Variants in UQCRC2 observed in about 807,000 individuals in gnomAD.
The protein encoded by UQCRC2 is ubiquinol-cytochrome c reductase core protein 2.
Under a neutral mutation model 55.6 loss-of-function variants are expected in UQCRC2, and 49 were observed. The ratio of observed to expected loss-of-function variants is 0.88; its 90% CI spans 0.70 to 1.12. The LOEUF is 1.12. Ranked by LOEUF, UQCRC2 falls within the 50% of genes most tolerant of loss-of-function variation. The probability of loss-of-function intolerance (pLI) is 0.00; values close to 1 mark genes in which losing one functional copy is unlikely to be tolerated. For synonymous variants in UQCRC2, 193 were observed against 192.0 expected, an observed-to-expected ratio of 1.01 and a Z score of -0.04; for missense variants, 506 against 547.8, an observed-to-expected ratio of 0.92 and a Z score of 0.76.
intron 6 of UQCRC2, among the ~76,000 whole-genome samples, chr16:21,964,748 C>G (rs1159077989): frequency 6.6e-6 from 1 of 152,228 alleles, no homozygotes; most frequent in African/African-American, 2.4e-5. Context: ...ACATTGCACC[C>G]ATAATACTTT....
intron 6 of UQCRC2, among the ~76,000 whole-genome samples, chr16:21,963,488 G>A (rs776178596): frequency 6.0e-5 from 9 of 151,072 alleles, no homozygotes; most frequent in Non-Finnish European, 1.2e-4. Context: ...GTTTGTTTTT[G>A]AGACAGGGTG....
At chr16:21,957,897 T>G (rs1272446388) in intron 3 of UQCRC2, among the ~76,000 whole-genome samples, 1 of 152,234 alleles carries the variant, frequency 6.6e-6, no homozygotes, top group Non-Finnish European at 1.5e-5. Flanking sequence ...ACTGCATCAC[T>G]GCAGTCTCTG....
intron 6 of UQCRC2, among the ~76,000 whole-genome samples, chr16:21,963,462 T>G (rs985359723): frequency 6.6e-6 from 1 of 151,936 alleles, no homozygotes; most frequent in Non-Finnish European, 1.5e-5. Flanking sequence ...AATGTTTTGT[T>G]TTTGTTTGTT....
intron 4 of UQCRC2, among the ~76,000 whole-genome samples, chr16:21,960,153 C>T (rs1898166752): frequency 6.6e-6 from 1 of 152,226 alleles, no homozygotes; most frequent in Admixed American, 6.5e-5. Context: ...TGGACGGCAT[C>T]TTCCAATGTA....
At position 21,983,204 on chromosome 16, in the gene UQCRC2, C is replaced by CA. The variant is rs746520948; in HGVS notation, c.*33_*34insA. The CA allele has an allele frequency of 1.9e-6, 3 of 1,573,962 alleles. No homozygotes were observed. ...GCACACATTACAGGAGAGAGCTGAA[C>CA]GTTCTCTCAGCCCAGAGCAGCAAAC... is the stretch of plus-strand genomic sequence containing the variant. On this transcript the variant is annotated 3_prime_UTR_variant, in exon 14 of 14. Transcript: ENST00000268379.
intron 10 of UQCRC2, among the ~76,000 whole-genome samples, chr16:21,972,884 AAGGTCAGG>A (rs1303930812): frequency 6.6e-6 from 1 of 152,104 alleles, no homozygotes; most frequent in Non-Finnish European, 1.5e-5. Context: ...GGCGGATCAC[AAGGTCAGG>A]AGATCAAGAC....
intron 10 of UQCRC2, among the ~76,000 whole-genome samples, chr16:21,973,383 A>G (rs776667802): frequency 1.3e-5 from 2 of 152,196 alleles, no homozygotes; most frequent in African/African-American, 2.4e-5. Context: ...GCTCTGCTCA[A>G]ACTAGATAAC....
At position 21,972,083 on chromosome 16, in the gene UQCRC2, G is replaced by T; in HGVS notation, c.927G>T (p.Leu309=). The T allele has an allele frequency of 6.2e-7, 1 of 1,614,000 alleles. No homozygotes were observed. The highest frequency in any genetic ancestry group is 8.5e-7 in the Non-Finnish European group (1 of 1,179,960). The stretch of plus-strand genomic sequence containing the variant: ...GGGGCAGCAACACCACCAGCCATCT[G>T]CACCAGGCTGTTGCCAAGGCAACTC... ...VKRGSNTTSH[L]HQAVAKATQQ... is the part of the protein sequence containing the mutation. Residue 309 remains leucine, a synonymous_variant, in exon 10 of 14, where the codon CTG becomes CTT. Coordinates refer to ENST00000268379, the MANE Select transcript of UQCRC2 (RefSeq NM_003366.4).
intron 13 of UQCRC2, among the ~76,000 whole-genome samples, chr16:21,981,086 T>C (rs926261047): frequency 6.6e-6 from 1 of 152,224 alleles, no homozygotes; most frequent in Non-Finnish European, 1.5e-5. Flanking sequence ...ATTAGCAGTT[T>C]CATATGATCC....
rs777862105 is a variant in UQCRC2 at position 21,953,400 on chromosome 16, C to A, written c.-24C>A. 1.4e-5 allele frequency: 22 copies of A among 1,612,104 alleles called. No individual in the cohort carries two copies. In the South Asian group the frequency reaches 2.4e-4, roughly 18 times the overall value. ...TGCTTTCCTTTAATCCGGCAGTGAC[C>A]GTGTGTCAGAACAATCTTGAATCAT... is the stretch of plus-strand genomic sequence containing the variant. On this transcript the variant is annotated 5_prime_UTR_variant, in exon 1 of 14. Coordinates refer to ENST00000268379, the MANE Select transcript of UQCRC2 (RefSeq NM_003366.4).
intron 5 of UQCRC2, 29 bp from the exon 6 acceptor site, chr16:21,962,732 C>G (rs753408659): frequency 6.2e-7 from 1 of 1,613,632 alleles, no homozygotes; most frequent in Non-Finnish European, 8.5e-7. Context: ...ATTTTTGACT[C>G]ATAATTCTTA....
intron 6 of UQCRC2, among the ~76,000 whole-genome samples, chr16:21,963,838 G>A (rs896784428): frequency 1.3e-5 from 2 of 152,002 alleles, no homozygotes; most frequent in Admixed American, 1.3e-4. Flanking sequence ...TGCTATTATT[G>A]CTTACTATTG....
At chr16:21,963,093 A>G (rs538721587) in intron 6 of UQCRC2, 3 of 441,110 alleles carry the variant, frequency 6.8e-6, no homozygotes, top group African/African-American at 2.0e-5. Context: ...GGTTCAAGCA[A>G]TTCTCCTGCC....
chr16:21,976,272 G>GT, intron 12 of UQCRC2, 29 bp downstream of exon 12: 1 of 1,560,564 alleles, frequency 6.4e-7, no homozygotes, highest in Non-Finnish European at 8.8e-7. Flanking sequence ...TGTGTTTTAT[G>GT]TTTTTGTTAT....
chr16:21,975,838 C>T (rs893948660), intron 11 of UQCRC2, among the ~76,000 whole-genome samples: 2 of 152,136 alleles, frequency 1.3e-5, no homozygotes, highest in African/African-American at 4.8e-5. Flanking sequence ...CACCTATAAT[C>T]CCAACACTTT....
intron 12 of UQCRC2, among the ~76,000 whole-genome samples, chr16:21,978,044 C>T (rs1050710900): frequency 3.9e-5 from 6 of 152,192 alleles, no homozygotes; most frequent in African/African-American, 1.2e-4. Flanking sequence ...TTTAAGAAAA[C>T]GTATTTTCTT....
chr16:21,964,141 G>A (rs1317895062), intron 6 of UQCRC2, among the ~76,000 whole-genome samples: 1 of 152,148 alleles, frequency 6.6e-6, no homozygotes, highest in African/African-American at 2.4e-5. Flanking sequence ...GGGGACTGAT[G>A]TTATTTCATG....
intron 4 of UQCRC2, among the ~76,000 whole-genome samples, 154 bp downstream of exon 4, chr16:21,958,753 T>TTTA (rs750405630): frequency 6.6e-6 from 1 of 152,192 alleles, no homozygotes; most frequent in African/African-American, 2.4e-5. Context: ...GTAAAACATC[T>TTTA]TTATGTCTTA....
At chr16:21,956,253 G>GT (rs960492201) in intron 1 of UQCRC2, among the ~76,000 whole-genome samples, 2 of 152,166 alleles carry the variant, frequency 1.3e-5, no homozygotes, top group Non-Finnish European at 2.9e-5. Context: ...ATAAAAGGTT[G>GT]TGGACACAGG....
Sources: allele counts gnomAD v4.1 joint callset (sites outside exome capture counted in the v4.1 genomes callset), GRCh38; gene constraint gnomAD v4.1.1; transcripts MANE v1.5; gene names NCBI Gene and HGNC (gene_info 2026-07-23, HGNC 2026-07-21).